The following GAREM1 variants were observed in gnomAD, a reference collection of about 807,000 sequenced individuals.
GAREM1 encodes the protein GRB2-associated and regulator of MAPK protein 1.
Under a neutral mutation model 71.3 loss-of-function variants are expected in GAREM1, and 26 were observed. That is an observed-to-expected ratio of 0.36 (90% CI 0.27 to 0.51). The LOEUF (loss-of-function observed/expected upper bound fraction) is 0.51, where lower values mean the gene tolerates loss of function less well. Among genes scored for constraint, GAREM1 ranks in the 20% least tolerant of loss-of-function variants. GAREM1 has a pLI of 0.95. For synonymous variants in GAREM1, 440 were observed against 433.2 expected, an observed-to-expected ratio of 1.02 and a Z score of -0.20; for missense variants, 1,026 against 1,103.1, an observed-to-expected ratio of 0.93 and a Z score of 0.99.
intron 2 of GAREM1, among the ~76,000 whole-genome samples, chr18:32,351,652 AT>A (rs1215305487): frequency 2.0e-5 from 3 of 152,196 alleles, no homozygotes; most frequent in African/African-American, 7.2e-5. Flanking sequence ...ATTCTAAAAA[AT>A]ATACAGAAAA....
intron 2 of GAREM1, among the ~76,000 whole-genome samples, chr18:32,349,077 C>T (rs1208606342): frequency 6.6e-6 from 1 of 152,108 alleles, no homozygotes; most frequent in African/African-American, 2.4e-5. Context: ...ATATGATTTT[C>T]AAGGATCATT....
rs1195478553 is a variant in GAREM1 at position 32,263,967 on chromosome 18, A to G, written c.*3904T>C. The G allele has an allele frequency of 2.0e-5, 3 of 152,238 alleles. No homozygotes were observed. Among genetic ancestry groups the G allele is most frequent in the Non-Finnish European group, 2.9e-5 (2 of 68,034 alleles). The allele number at this position is 152,238 out of a possible 1,614,324, so 9.4% of individuals were successfully genotyped here. On this transcript the variant is annotated 3_prime_UTR_variant, in exon 6 of 6. Transcript: ENST00000269209. ...AATTAGAGCAGCAAAATTACAGAAG[A>G]TATTTGTATATAGTTTAAACTGAAA...
At chr18:32,401,558 G>A (rs1246197560) in intron 1 of GAREM1, among the ~76,000 whole-genome samples, 2 of 151,334 alleles carry the variant, frequency 1.3e-5, no homozygotes, top group Non-Finnish European at 2.9e-5. Flanking sequence ...TGAAGAATGA[G>A]TTGGGCTTAG....
chr18:32,464,041 A>G (rs2048976785), intron 1 of GAREM1, among the ~76,000 whole-genome samples: 1 of 150,882 alleles, frequency 6.6e-6, no homozygotes, highest in Non-Finnish European at 1.5e-5. Context: ...TAATCCCAGC[A>G]CTTTGAGAGG....
At chr18:32,464,036 C>A (rs2048976736) in intron 1 of GAREM1, among the ~76,000 whole-genome samples, 1 of 149,840 alleles carries the variant, frequency 6.7e-6, no homozygotes, top group South Asian at 2.1e-4. Flanking sequence ...GCCTGTAATC[C>A]CAGCACTTTG....
chr18:32,418,753 G>A (rs953927627), intron 1 of GAREM1, among the ~76,000 whole-genome samples: 1 of 152,092 alleles, frequency 6.6e-6, no homozygotes, highest in Non-Finnish European at 1.5e-5. Flanking sequence ...TTCATTTAAC[G>A]CAACAGTGGC....
intron 1 of GAREM1, among the ~76,000 whole-genome samples, chr18:32,460,570 A>C (rs1228996697): frequency 6.6e-6 from 1 of 152,230 alleles, no homozygotes; most frequent in Non-Finnish European, 1.5e-5. Flanking sequence ...GCATAAAAGG[A>C]AACTCATTGT....
At chr18:32,406,003 C>T (rs950643187) in intron 1 of GAREM1, among the ~76,000 whole-genome samples, 10 of 152,162 alleles carry the variant, frequency 6.6e-5, no homozygotes, top group African/African-American at 2.2e-4. Flanking sequence ...CAGCGGTCTT[C>T]TAATAATCAC....
intron 4 of GAREM1, among the ~76,000 whole-genome samples, chr18:32,279,713 C>T (rs1178179398): frequency 1.3e-5 from 2 of 152,120 alleles, no homozygotes; most frequent in Non-Finnish European, 2.9e-5. Flanking sequence ...ACTCCCTCCC[C>T]CAACGCCAGG....
intron 1 of GAREM1, among the ~76,000 whole-genome samples, chr18:32,442,129 C>T (rs2048744356): frequency 6.6e-6 from 1 of 152,024 alleles, no homozygotes; most frequent in Non-Finnish European, 1.5e-5. Flanking sequence ...ATTGAAAATC[C>T]GTTGTTCTAC....
chr18:32,286,942 G>C, intron 4 of GAREM1, 89 bp downstream of exon 4: 1 of 947,408 alleles, frequency 1.1e-6, no homozygotes, highest in Non-Finnish European at 1.6e-6. Flanking sequence ...GCAATCTTCA[G>C]TTGGGGAGTT....
intron 3 of GAREM1, among the ~76,000 whole-genome samples, chr18:32,299,199 A>T (rs1453086242): frequency 3.9e-5 from 6 of 152,140 alleles, no homozygotes; most frequent in African/African-American, 9.6e-5. Context: ...ACATATAATT[A>T]AAAAAAACTG....
At chr18:32,296,898 A>G (rs1003026453) in intron 3 of GAREM1, among the ~76,000 whole-genome samples, 2 of 152,038 alleles carry the variant, frequency 1.3e-5, no homozygotes, top group Non-Finnish European at 2.9e-5. Flanking sequence ...TCTGCTATCA[A>G]TTTTAGCCTT....
At chr18:32,439,864 A>T (rs1310859243) in intron 1 of GAREM1, among the ~76,000 whole-genome samples, 1 of 152,110 alleles carries the variant, frequency 6.6e-6, no homozygotes, top group African/African-American at 2.4e-5. Context: ...AATGACCTTT[A>T]TTTACACTCA....
At chr18:32,309,565 G>A (rs539463997) in intron 3 of GAREM1, among the ~76,000 whole-genome samples, 7 of 131,348 alleles carry the variant, frequency 5.3e-5, no homozygotes, top group Admixed American at 8.9e-5. Context: ...GCAGTGAGCC[G>A]AGATCGCGCC....
In GAREM1 at chr18:32,452,853, G is replaced by T. The variant is rs776454382; in HGVS notation, c.121+17455C>A. 9.5e-3 allele frequency among the ~76,000 whole-genome samples: 1,400 copies of T among 147,268 alleles called. 22 individuals are homozygous for T. The highest frequency in any genetic ancestry group is 0.011 in the Non-Finnish European group (741 of 66,818). Reference sequence around the variant, plus strand: ...GGGGTTTTATACTTATAACTTCTACGTTTTTTTTTTTTTAAGAAACTTGGC... The same window carrying T: ...GGGGTTTTATACTTATAACTTCTACTTTTTTTTTTTTTTAAGAAACTTGGC... On this transcript the variant is annotated intron_variant, in intron 1 of 5. Coordinates refer to ENST00000269209, the MANE Select transcript of GAREM1 (RefSeq NM_001242409.2).
In GAREM1 at chr18:32,350,368, G is replaced by A. The variant is rs369733702; in HGVS notation, c.263-40045C>T. ...TTACAATGCACTGATTAGATTTTTT[G>A]TTGGTTTCTTAAAATTATTTAATGT... is the stretch of plus-strand genomic sequence containing the variant. On this transcript the variant is annotated intron_variant, in intron 2 of 5. Coordinates refer to ENST00000269209, the MANE Select transcript of GAREM1 (RefSeq NM_001242409.2). Among the ~76,000 whole-genome samples the A allele has an allele frequency of 5.3e-5, 8 of 152,140 alleles. No individual in the cohort carries two copies. In the East Asian group the frequency reaches 1.4e-3, roughly 26 times the overall value.
chr18:32,468,105 G>C (rs1392355760), intron 1 of GAREM1, among the ~76,000 whole-genome samples: 1 of 152,164 alleles, frequency 6.6e-6, no homozygotes, highest in Non-Finnish European at 1.5e-5. Context: ...ATTTCCTTTA[G>C]TCTCTAAAGC....
chr18:32,427,596 G>C (rs1386386938), intron 1 of GAREM1, among the ~76,000 whole-genome samples: 1 of 152,110 alleles, frequency 6.6e-6, no homozygotes, highest in Non-Finnish European at 1.5e-5. Flanking sequence ...ACCCACAAAT[G>C]CTCATTAAAA....
Sources: allele counts gnomAD v4.1 joint callset (sites outside exome capture counted in the v4.1 genomes callset), GRCh38; gene constraint gnomAD v4.1.1; transcripts MANE v1.5; gene names NCBI Gene and HGNC (gene_info 2026-07-23, HGNC 2026-07-21).